The following PLLP variants were observed in gnomAD, a reference collection of about 807,000 sequenced individuals.
PLLP encodes the protein plasmolipin.
PLLP carries 15 observed loss-of-function variants against 19.7 expected under a neutral mutation model. That is an observed-to-expected ratio of 0.76 (90% CI 0.51 to 1.17). The LOEUF (loss-of-function observed/expected upper bound fraction) is 1.17, where lower values mean the gene tolerates loss of function less well. PLLP is among the 50% of genes most tolerant of loss of function. PLLP has a pLI of 0.00. For synonymous variants in PLLP, 111 were observed against 116.3 expected (o/e 0.95, Z 0.29); for missense variants, 255 against 258.3 (o/e 0.99, Z 0.09).
intron 2 of PLLP, 28 bp downstream of exon 2, chr16:57,261,869 C>T: frequency 6.2e-7 from 1 of 1,609,062 alleles, no homozygotes; most frequent in Non-Finnish European, 8.5e-7. Context: ...CTGTCATAGC[C>T]ACTTCCAGTA....
At chr16:57,261,826 C>G (rs2075442540) in intron 2 of PLLP, 71 bp downstream of exon 2, 1 of 1,424,760 alleles carries the variant, frequency 7.0e-7, no homozygotes, top group South Asian at 1.2e-5. Flanking sequence ...CCCCCACACC[C>G]TGCCACTTCT....
intron 1 of PLLP, among the ~76,000 whole-genome samples, chr16:57,266,943 C>T (rs1320391869): frequency 3.6e-5 from 5 of 139,142 alleles, no homozygotes; most frequent in African/African-American, 1.1e-4. Flanking sequence ...ATGAAGACTA[C>T]AGTGTCAAAA....
At position 57,272,097 on chromosome 16, in the gene PLLP, C is replaced by T. The variant is rs140643107; in HGVS notation, c.136-10027G>A. Among the ~76,000 whole-genome samples, 447 of 152,322 alleles carry T rather than the reference C, an allele frequency of 2.9e-3. 3 individuals are homozygous for T. Among genetic ancestry groups the T allele is most frequent in the East Asian group, 0.022 (113 of 5,188 alleles). Reference sequence around the variant, plus strand: ...CCCCGCAACTACCCTGCCAGGCCCCCGCCAGGGCTTTACCCCCAGGGCCTT... The same window carrying T: ...CCCCGCAACTACCCTGCCAGGCCCCTGCCAGGGCTTTACCCCCAGGGCCTT... On this transcript the variant is annotated intron_variant, in intron 1 of 3. Transcript: ENST00000219207.
Position 57,284,483 on chromosome 16 carries a change from C to T in PLLP, c.58G>A (p.Glu20Lys). ...GGGCGCAGCGCCGACACCGAGGCTTCGGCGCCCTGCGCAGGACTGCTGGTC... is the reference window on the plus strand; with the variant it reads ...GGGCGCAGCGCCGACACCGAGGCTTTGGCGCCCTGCGCAGGACTGCTGGTC... ...TRTSSPAQGA[E>K]ASVSALRPDL... The change falls in exon 1 of 4, where the codon GAA (glutamate) becomes AAA (lysine). Residue 20 changes from glutamate to lysine, a missense_variant. Coordinates refer to ENST00000219207, the MANE Select transcript of PLLP (RefSeq NM_015993.3). 6.9e-7 allele frequency: 1 copy of T among 1,439,540 alleles called. No homozygotes were observed. The highest frequency in any genetic ancestry group is 9.2e-7 in the Non-Finnish European group (1 of 1,091,526). 89.2% of individuals were successfully genotyped at this position (1,439,540 alleles called of 1,614,324 possible).
intron 1 of PLLP, among the ~76,000 whole-genome samples, chr16:57,272,451 C>T (rs2075478877): frequency 6.6e-6 from 1 of 152,220 alleles, no homozygotes; most frequent in African/African-American, 2.4e-5. Context: ...TCCATCGGCC[C>T]CTCCAGAGAA....
At chr16:57,257,302 G>A (rs1959255036) in intron 3 of PLLP, among the ~76,000 whole-genome samples, 1 of 152,144 alleles carries the variant, frequency 6.6e-6, no homozygotes, top group Admixed American at 6.5e-5. Flanking sequence ...GTGACAGAGG[G>A]GACACCTAGC....
chr16:57,261,137 G>A (rs1307648275), intron 2 of PLLP, among the ~76,000 whole-genome samples: 8 of 152,006 alleles, frequency 5.3e-5, no homozygotes, highest in South Asian at 2.1e-4. Context: ...AGAGGCGCGC[G>A]CCACCACACC....
chr16:57,273,374 TC>T (rs1302433829), intron 1 of PLLP, among the ~76,000 whole-genome samples: 1 of 152,030 alleles, frequency 6.6e-6, no homozygotes, highest in African/African-American at 2.4e-5. Flanking sequence ...AGCTAGAACA[TC>T]CCAGAACAGG....
chr16:57,277,186 CTG>C (rs1265120838), intron 1 of PLLP, among the ~76,000 whole-genome samples: 1 of 152,188 alleles, frequency 6.6e-6, no homozygotes, highest in African/African-American at 2.4e-5. Flanking sequence ...ATATAGAAAA[CTG>C]AGAGTGGGCA....
chr16:57,274,202 C>T (rs1901119126), intron 1 of PLLP, among the ~76,000 whole-genome samples: 3 of 151,932 alleles, frequency 2.0e-5, no homozygotes, highest in Admixed American at 6.6e-5. Flanking sequence ...AGGCTGGTCT[C>T]GAACTCCTAG....
At chr16:57,260,764 T>C (rs2075439549) in intron 2 of PLLP, among the ~76,000 whole-genome samples, 1 of 151,970 alleles carries the variant, frequency 6.6e-6, no homozygotes, top group African/African-American at 2.4e-5. Flanking sequence ...CCCTGTGTCC[T>C]GGGGAGACTG....
chr16:57,271,956 A>C (rs536022973), intron 1 of PLLP, among the ~76,000 whole-genome samples: 2 of 152,010 alleles, frequency 1.3e-5, no homozygotes, highest in Admixed American at 6.5e-5. Flanking sequence ...CACAAAGCCT[A>C]CCCAAGCCTC....
Position 57,284,484 on chromosome 16 carries a change from G to T in PLLP, c.57C>A (p.Ala19=). The change falls in exon 1 of 4, where the codon GCC becomes GCA. Residue 19 remains alanine, a synonymous_variant. Transcript: ENST00000219207. The stretch of plus-strand genomic sequence containing the variant: ...GGCGCAGCGCCGACACCGAGGCTTC[G>T]GCGCCCTGCGCAGGACTGCTGGTCC... ...STRTSSPAQG[A]EASVSALRPD... 2 of 1,440,414 alleles carry T rather than the reference G, an allele frequency of 1.4e-6. No individual in the cohort carries two copies. Among genetic ancestry groups the T allele is most frequent in the Non-Finnish European group, 1.8e-6 (2 of 1,091,960 alleles). 89.2% of individuals were successfully genotyped at this position (1,440,414 alleles called of 1,614,324 possible).
In PLLP at chr16:57,281,986, G is replaced by A. The variant is rs141900765; in HGVS notation, c.135+2420C>T. On this transcript the variant is annotated intron_variant, in intron 1 of 3. Transcript: ENST00000219207. ...GCCAAGCTCTATTACAGGACTCCTG[G>A]CAAGTCCTTCTAACTAGACCTCAAT... 1.5e-3 allele frequency among the ~76,000 whole-genome samples: 225 copies of A among 152,198 alleles called. 2 individuals are homozygous for A. Among genetic ancestry groups the A allele is most frequent in the African/African-American group, 4.9e-3 (203 of 41,518 alleles).
chr16:57,275,480 C>T (rs1376125921), intron 1 of PLLP, among the ~76,000 whole-genome samples: 1 of 150,886 alleles, frequency 6.6e-6, no homozygotes, highest in Non-Finnish European at 1.5e-5. Flanking sequence ...TTAAATACAA[C>T]AAATATGTAA....
intron 2 of PLLP, among the ~76,000 whole-genome samples, chr16:57,261,063 C>A (rs1467008508): frequency 6.6e-6 from 1 of 151,746 alleles, no homozygotes; most frequent in Non-Finnish European, 1.5e-5. Flanking sequence ...TCTCGGCTCA[C>A]TGCAATCTCC....
At chr16:57,280,337 G>A (rs922161993) in intron 1 of PLLP, among the ~76,000 whole-genome samples, 3 of 151,984 alleles carry the variant, frequency 2.0e-5, no homozygotes, top group Admixed American at 6.6e-5. Context: ...TTCTCCCCAC[G>A]GCTTGGGGAG....
chr16:57,266,269 GA>G (rs1369346373), intron 1 of PLLP, among the ~76,000 whole-genome samples: 1 of 152,006 alleles, frequency 6.6e-6, no homozygotes, highest in Non-Finnish European at 1.5e-5. Flanking sequence ...GCGTCCAGAT[GA>G]AGCCGGTGGA....
At chr16:57,272,830 G>A (rs1901090310) in intron 1 of PLLP, among the ~76,000 whole-genome samples, 1 of 152,144 alleles carries the variant, frequency 6.6e-6, no homozygotes, top group Non-Finnish European at 1.5e-5. Flanking sequence ...TGGGGTGCAT[G>A]CCTGTGGTCC....
Sources: gnomAD v4.1 joint callset for allele counts (sites outside exome capture counted in the v4.1 genomes callset) on GRCh38, gnomAD v4.1.1 for gene constraint, MANE v1.5 for transcripts, NCBI Gene and HGNC (gene_info 2026-07-23, HGNC 2026-07-21) for gene names.